SYNE2: variants seen among roughly 807,000 people sequenced by gnomAD.
The protein encoded by SYNE2 is spectrin repeat containing nuclear envelope protein 2.
In SYNE2, 431 loss-of-function variants were observed where a neutral mutation model predicts 856.3. The ratio of observed to expected loss-of-function variants is 0.50; its 90% CI spans 0.47 to 0.55. SYNE2 has a LOEUF of 0.55. Ranked by LOEUF, SYNE2 falls within the 20% of genes least tolerant of loss-of-function variation. The pLI is 0.00. For missense variants in SYNE2, 8,129 were observed against 8,023.2 expected (o/e 1.01, Z -0.50); for synonymous variants, 2,923 against 2,872.3 (o/e 1.02, Z -0.56).
chr14:63,997,325 T>G lies in SYNE2; in HGVS notation c.3177T>G (p.Asn1059Lys), dbSNP rs1594758891. 6.2e-7 allele frequency: 1 copy of G among 1,613,602 alleles called. No individual in the cohort carries two copies. Among genetic ancestry groups the G allele is most frequent in the African/African-American group, 1.3e-5 (1 of 75,012 alleles). ...KNEGTITTSE[N>K]RGGDPHSEAP... ...GGGGGACCATCACCACATCTGAGAATAGAGGAGGGGATCCCCACAGTGAGG... is the reference window on the plus strand; with the variant it reads ...GGGGGACCATCACCACATCTGAGAAGAGAGGAGGGGATCCCCACAGTGAGG... Residue 1059 changes from asparagine (N) to lysine (K), a missense_variant, in exon 25 of 116, where the codon AAT (asparagine) becomes AAG (lysine). This residue lies in a region of SYNE2 where 2,422 missense variants were observed against 2,357.4 expected (regional missense o/e 1.03). Transcript: ENST00000555002.
At position 64,065,496 on chromosome 14, in the gene SYNE2, T is replaced by C. The variant is rs1595259505; in HGVS notation, c.10277T>C (p.Leu3426Pro). Residue 3426 changes from leucine to proline, a missense_variant, in exon 51 of 116, where the codon CTC becomes CCC. Leu to Pro is a moderately conservative substitution (Grantham distance 98). Around this residue, in one of 3 missense-constraint regions of SYNE2, gnomAD observed 5,410 missense variants for 5,284.8 expected, o/e 1.02. Transcript: ENST00000555002. ...ELMKLRQILR[L>P]LRLRCTENDG... The stretch of plus-strand genomic sequence containing the variant: ...ATGAAACTACGACAGATCCTTAGAC[T>C]CTTGAGACTCAGGTGCACAGAAAAT... 6.2e-7 allele frequency: 1 copy of C among 1,614,132 alleles called. No individual in the cohort carries two copies.
At chr14:63,840,512 C>CTTT (rs779817027) in intron 1 of SYNE2, among the ~76,000 whole-genome samples, 1 of 120,434 alleles carries the variant, frequency 8.3e-6, no homozygotes, top group Non-Finnish European at 1.7e-5. Flanking sequence ...TCCTTCCTTC[C>CTTT]TTTTTTTTTT....
In SYNE2 at chr14:64,015,984, G is replaced by A. The variant is rs545006578; in HGVS notation, c.4729-489G>A. On this transcript the variant is annotated intron_variant, in intron 32 of 115. Coordinates refer to ENST00000555002, the MANE Select transcript of SYNE2 (RefSeq NM_182914.3). ...AGTTTCCCAGTGATTGGAGATTTTC[G>A]TTTTGATAAAGTAGCATTTTTGCCT... Among the ~76,000 whole-genome samples, 6 of 152,086 alleles carry A rather than the reference G, an allele frequency of 3.9e-5. No homozygotes were observed. In the South Asian group the frequency reaches 8.3e-4, roughly 21 times the overall value.
At chr14:63,880,890 A>AGGC (rs1171574436) in intron 1 of SYNE2, among the ~76,000 whole-genome samples, 2 of 151,170 alleles carry the variant, frequency 1.3e-5, no homozygotes, top group African/African-American at 4.9e-5. Context: ...TCTGTCGCCC[A>AGGC]GGCTGGAGTG....
At chr14:64,026,819 TATA>T in intron 42 of SYNE2, 89 bp downstream of exon 42, 1 of 1,461,618 alleles carries the variant, frequency 6.8e-7, no homozygotes, top group Non-Finnish European at 9.4e-7. Flanking sequence ...TGGGTTTGGA[TATA>T]ATATCTGCTA....
chr14:63,969,633 G>A (rs138438629), intron 11 of SYNE2, among the ~76,000 whole-genome samples: 21 of 151,978 alleles, frequency 1.4e-4, no homozygotes, highest in Non-Finnish European at 2.6e-4. Context: ...GAGCCACTGT[G>A]CCCGGCCCTT....
At chr14:64,077,056 C>T (rs576796688) in intron 54 of SYNE2, among the ~76,000 whole-genome samples, 3 of 151,986 alleles carry the variant, frequency 2.0e-5, no homozygotes, top group Admixed American at 1.3e-4. Flanking sequence ...TATGAAAATC[C>T]CTAGCAGAGT....
chr14:63,787,351 T>C (rs967718015), intron 1 of SYNE2, among the ~76,000 whole-genome samples: 6 of 152,250 alleles, frequency 3.9e-5, no homozygotes, highest in Middle Eastern at 3.4e-3. Context: ...TCCCCACTAC[T>C]CTTCCCAGTC....
intron 1 of SYNE2, among the ~76,000 whole-genome samples, chr14:63,845,545 CTG>C (rs1890200337): frequency 6.6e-6 from 1 of 151,610 alleles, no homozygotes; most frequent in South Asian, 2.1e-4. Context: ...AATTAGTGGT[CTG>C]TCATTAAATT....
chr14:63,895,653 A>G (rs1173014123), intron 1 of SYNE2, among the ~76,000 whole-genome samples: 2 of 150,768 alleles, frequency 1.3e-5, no homozygotes, highest in African/African-American at 2.4e-5. Flanking sequence ...CTATTGTCCC[A>G]GGTACTCAAG....
At chr14:63,842,171 TTTG>T (rs779801671) in intron 1 of SYNE2, among the ~76,000 whole-genome samples, 20 of 151,574 alleles carry the variant, frequency 1.3e-4, no homozygotes, top group African/African-American at 4.8e-4. Context: ...TGTTTGTTTG[TTTG>T]TTGTTGTTGT....
At chr14:63,827,625 CAAA>C (rs11334415) in intron 1 of SYNE2, among the ~76,000 whole-genome samples, 1 of 28,412 alleles carries the variant, frequency 3.5e-5, no homozygotes, top group Non-Finnish European at 6.3e-5. Context: ...AACTCTGTCT[CAAA>C]AAAAAAAAAA....
At position 64,053,421 on chromosome 14, in the gene SYNE2, T is replaced by C. The variant is rs1173807996; in HGVS notation, c.9508T>C (p.Ser3170Pro). The C allele has an allele frequency of 1.2e-6, 2 of 1,612,818 alleles. No homozygotes were observed. Among genetic ancestry groups the C allele is most frequent in the Admixed American group, 1.7e-5 (1 of 59,750 alleles). ...CTTACATGTTTTAAATCAGATAAAA[T>C]CTCAATTACAGCAGCCATTACTTAT... ...TSLHVLNQIK[S>P]QLQQPLLINL... The change falls in exon 48 of 116, where the codon TCT (serine) becomes CCT (proline). Residue 3170 changes from serine to proline, a missense_variant. Ser to Pro is a moderately conservative substitution (Grantham distance 74). Around this residue, in one of 3 missense-constraint regions of SYNE2, gnomAD observed 5,410 missense variants for 5,284.8 expected, o/e 1.02. Transcript: ENST00000555002.
intron 65 of SYNE2, among the ~76,000 whole-genome samples, chr14:64,109,148 T>C (rs1301832926): frequency 6.6e-6 from 1 of 151,964 alleles, no homozygotes; most frequent in African/African-American, 2.4e-5. Context: ...TGACATCTAA[T>C]TAAAAATCAG....
At position 64,170,228 on chromosome 14, in the gene SYNE2, A is replaced by G. The variant is rs763502735; in HGVS notation, c.17001A>G (p.Arg5667=). 4 of 1,613,568 alleles carry G rather than the reference A, an allele frequency of 2.5e-6. No individual in the cohort carries two copies. Among genetic ancestry groups the G allele is most frequent in the African/African-American group, 2.7e-5 (2 of 75,028 alleles). ...QLLDTTEIEN[R]PEFITEFSKL... ...TCTATAACCATTTGTTTTTCCCCAG[A>G]CCAGAATTTATTACAGAATTCTCAA... Residue 5667 remains arginine, a splice_region_variant and synonymous_variant, in exon 94 of 116, where the codon AGA becomes AGG. Coordinates refer to ENST00000555002, the MANE Select transcript of SYNE2 (RefSeq NM_182914.3).
intron 51 of SYNE2, among the ~76,000 whole-genome samples, chr14:64,068,041 A>G (rs902899706): frequency 5.3e-5 from 8 of 152,088 alleles, no homozygotes; most frequent in Admixed American, 5.2e-4. Flanking sequence ...AAGTTTTATA[A>G]CCAATTTGAT....
At position 64,168,932 on chromosome 14, in the gene SYNE2, A is replaced by G. The variant is rs886042450; in HGVS notation, c.16961A>G (p.Gln5654Arg). 14 of 1,614,012 alleles carry G rather than the reference A, an allele frequency of 8.7e-6. No individual in the cohort carries two copies. Among genetic ancestry groups the G allele is most frequent in the African/African-American group, 1.3e-5 (1 of 74,926 alleles). ...ACAATTGCTGATTCCTATGTCACCC[A>G]GTCCTTACAACTCCTGGACACAACA... Reference protein sequence around the residue: ...NQTIADSYVTQSLQLLDTTEI... With the variant: ...NQTIADSYVTRSLQLLDTTEI... Residue 5654 changes from glutamine (Q) to arginine (R), a missense_variant, in exon 93 of 116, where the codon CAG becomes CGG. Physicochemically the swap from Gln to Arg is conservative, Grantham distance 43. Coordinates refer to ENST00000555002, the MANE Select transcript of SYNE2 (RefSeq NM_182914.3).
At chr14:64,161,405 A>G (rs2098328751) in intron 87 of SYNE2, among the ~76,000 whole-genome samples, 1 of 152,164 alleles carries the variant, frequency 6.6e-6, no homozygotes, top group Non-Finnish European at 1.5e-5. Flanking sequence ...GGAATAATAA[A>G]ACAATTTCCT....
At chr14:63,928,840 C>T (rs1316929458) in intron 2 of SYNE2, among the ~76,000 whole-genome samples, 3 of 152,014 alleles carry the variant, frequency 2.0e-5, no homozygotes, top group Non-Finnish European at 4.4e-5. Context: ...TCATCCTTAC[C>T]GTGTCCGTCC....
Sources: gnomAD v4.1 joint callset for allele counts (sites outside exome capture counted in the v4.1 genomes callset) on GRCh38, gnomAD v4.1.1 for gene constraint, gnomAD v4.1.1 regional missense constraint, MANE v1.5 for transcripts, NCBI Gene and HGNC (gene_info 2026-07-23, HGNC 2026-07-21) for gene names.